TOPAZ1: variants seen among roughly 807,000 people sequenced by gnomAD.
The protein encoded by TOPAZ1 is testis and ovary specific TOPAZ 1.
Under a neutral mutation model 172.2 loss-of-function variants are expected in TOPAZ1, and 66 were observed. The ratio of observed to expected loss-of-function variants is 0.38; its 90% CI spans 0.31 to 0.47. TOPAZ1 has a LOEUF of 0.47. TOPAZ1 is among the 20% of genes least tolerant of loss of function. The pLI is 0.99. For synonymous variants in TOPAZ1, 681 were observed against 683.9 expected (o/e 1.00, Z 0.07); for missense variants, 1,822 against 1,972.4 (o/e 0.92, Z 1.44).
intron 5 of TOPAZ1, 85 bp from the exon 6 acceptor site, chr3:44,266,912 A>G: frequency 9.6e-7 from 1 of 1,047,080 alleles, no homozygotes; most frequent in Non-Finnish European, 1.3e-6. Flanking sequence ...ATTTTTTTAA[A>G]AAGAAATATC....
In TOPAZ1 at chr3:44,243,799, T is replaced by C. The variant is rs1327271368; in HGVS notation, c.1293T>C (p.Ala431=). Residue 431 remains alanine (A), a synonymous_variant, in exon 2 of 20, where the codon GCT becomes GCC. Coordinates refer to ENST00000309765, the MANE Select transcript of TOPAZ1 (RefSeq NM_001145030.2). Reference sequence around the variant, plus strand: ...TTTTGAAAGAAGAAACAGAGAATGCTTCAGAGCCGTTAGGTTATGAAAGCA... The same window carrying C: ...TTTTGAAAGAAGAAACAGAGAATGCCTCAGAGCCGTTAGGTTATGAAAGCA... ...EPLLKEETEN[A]SEPLGYESMA... is the part of the protein sequence containing the mutation. 107 of 1,551,650 alleles carry C rather than the reference T, an allele frequency of 6.9e-5. 1 individual carries two copies. The East Asian group carries it at 2.6e-3, about 37-fold the overall frequency.
At chr3:44,245,805 C>A (rs1699558428) in intron 2 of TOPAZ1, among the ~76,000 whole-genome samples, 1 of 152,150 alleles carries the variant, frequency 6.6e-6, no homozygotes, top group Non-Finnish European at 1.5e-5. Flanking sequence ...TCCCAAAGTG[C>A]TGGGATTACA....
intron 9 of TOPAZ1, among the ~76,000 whole-genome samples, chr3:44,284,210 A>G (rs1403398924): frequency 2.0e-5 from 3 of 152,242 alleles, no homozygotes; most frequent in Non-Finnish European, 4.4e-5. Flanking sequence ...CATCACCATT[A>G]TCCATTCCCA....
In TOPAZ1 at chr3:44,269,240, C is replaced by G. The variant is rs1699866609; in HGVS notation, c.3185C>G (p.Ser1062Cys). 4 of 1,548,736 alleles carry G rather than the reference C, an allele frequency of 2.6e-6. No individual in the cohort carries two copies. The highest frequency in any genetic ancestry group is 3.5e-6 in the Non-Finnish European group (4 of 1,144,690). Reference sequence around the variant, plus strand: ...GATTTCAGATTTCTGGGAAAACATTCTGTCCTAAAGCTGCAGAATCCTGAA... The same window carrying G: ...GATTTCAGATTTCTGGGAAAACATTGTGTCCTAAAGCTGCAGAATCCTGAA... ...MNDFRFLGKH[S>C]VLKLQNPETC... is the part of the protein sequence containing the mutation. The change falls in exon 7 of 20, where the codon TCT becomes TGT. Residue 1062 changes from serine to cysteine, a missense_variant. Coordinates refer to ENST00000309765, the MANE Select transcript of TOPAZ1 (RefSeq NM_001145030.2).
chr3:44,259,470 GT>G (rs1415522585), intron 4 of TOPAZ1, among the ~76,000 whole-genome samples: 8 of 152,154 alleles, frequency 5.3e-5, no homozygotes, highest in Non-Finnish European at 1.0e-4. Context: ...ATGTAATGAT[GT>G]CTTGTTTTTA....
chr3:44,254,195 C>A (rs531180616), intron 2 of TOPAZ1, among the ~76,000 whole-genome samples: 4 of 152,284 alleles, frequency 2.6e-5, no homozygotes, highest in East Asian at 1.9e-4. Context: ...AGTGTTTGAA[C>A]CCAGACTGGT....
chr3:44,326,768 G>A (rs1700604708), intron 18 of TOPAZ1, among the ~76,000 whole-genome samples: 1 of 152,052 alleles, frequency 6.6e-6, no homozygotes, highest in Admixed American at 6.5e-5. Context: ...GAACTGAGAA[G>A]TCAAGAGAGA....
chr3:44,286,464 T>C (rs1700080065), intron 9 of TOPAZ1, among the ~76,000 whole-genome samples: 1 of 152,182 alleles, frequency 6.6e-6, no homozygotes, highest in African/African-American at 2.4e-5. Context: ...AAAATAATTG[T>C]AGTATATAAA....
chr3:44,242,253 A>G lies in TOPAZ1; in HGVS notation c.200A>G (p.Lys67Arg). Residue 67 changes from lysine (K) to arginine (R), a missense_variant, in exon 1 of 20, where the codon AAG becomes AGG. Coordinates refer to ENST00000309765, the MANE Select transcript of TOPAZ1 (RefSeq NM_001145030.2). ...TPGRGEVESDKSVAASGAGKA... is the reference protein window; with the variant it reads ...TPGRGEVESDRSVAASGAGKA... ...GGGAGAGGCGAGGTGGAAAGTGATA[A>G]GTCGGTTGCAGCATCAGGGGCTGGA... The G allele has an allele frequency of 2.6e-6, 4 of 1,548,566 alleles. No individual in the cohort carries two copies. Among genetic ancestry groups the G allele is most frequent in the Non-Finnish European group, 3.5e-6 (4 of 1,146,184 alleles).
At chr3:44,287,267 C>T in intron 9 of TOPAZ1, 122 bp from the exon 10 acceptor site, 1 of 541,144 alleles carries the variant, frequency 1.8e-6, no homozygotes, top group Non-Finnish European at 2.9e-6. Flanking sequence ...AGAACTGTAC[C>T]TTTCAAGAAT....
Position 44,265,510 on chromosome 3 carries a change from C to T in TOPAZ1, c.3021-1487C>T, listed in dbSNP as rs547795661. Among the ~76,000 whole-genome samples the T allele has an allele frequency of 8.5e-5, 13 of 152,246 alleles. No homozygotes were observed. In the East Asian group the frequency reaches 1.9e-3, roughly 23 times the overall value. On this transcript the variant is annotated intron_variant, in intron 5 of 19. Transcript: ENST00000309765. ...GGGGGAGGTTGTAGTGAGCTGAGATCGCACCACTGCACTCCAGCCTGGGCG... is the reference window on the plus strand; with the variant it reads ...GGGGGAGGTTGTAGTGAGCTGAGATTGCACCACTGCACTCCAGCCTGGGCG...
rs1699517684 is a variant in TOPAZ1, at chr3:44,243,651, G to A, written c.1145G>A (p.Arg382Lys). ...AETKSPLNVL[R>K]KVSHNTVSLM... ...ACTAAAAGTCCTTTAAATGTTTTGA[G>A]AAAAGTAAGCCATAATACAGTCTCT... The change falls in exon 2 of 20, where the codon AGA becomes AAA. Residue 382 changes from arginine (R) to lysine (K), a missense_variant. By Grantham distance (26) the Arg-to-Lys change is conservative. This residue lies in a region of TOPAZ1 where 1,489 missense variants were observed against 1,490.8 expected (regional missense o/e 1.00). Coordinates refer to ENST00000309765, the MANE Select transcript of TOPAZ1 (RefSeq NM_001145030.2). 1 of 1,549,828 alleles carries A rather than the reference G, an allele frequency of 6.5e-7. No homozygotes were observed.
chr3:44,311,443 A>G (rs1240387173), intron 16 of TOPAZ1, among the ~76,000 whole-genome samples: 1 of 152,176 alleles, frequency 6.6e-6, no homozygotes, highest in Admixed American at 6.5e-5. Flanking sequence ...TACGATAGGA[A>G]CCTCCTGTCT....
chr3:44,295,209 G>A (rs923543162), intron 12 of TOPAZ1, among the ~76,000 whole-genome samples: 1 of 152,064 alleles, frequency 6.6e-6, no homozygotes, highest in Non-Finnish European at 1.5e-5. Context: ...TTCTACAAAT[G>A]TACCCTGAAA....
At chr3:44,320,244 T>C (rs1700493622) in intron 16 of TOPAZ1, among the ~76,000 whole-genome samples, 1 of 151,878 alleles carries the variant, frequency 6.6e-6, no homozygotes, top group South Asian at 2.1e-4. Flanking sequence ...TATATTATTC[T>C]TCTGTATACA....
chr3:44,270,910 G>A (rs1221624936), intron 8 of TOPAZ1, 100 bp downstream of exon 8: 2 of 1,090,380 alleles, frequency 1.8e-6, no homozygotes, highest in East Asian at 5.7e-5. Flanking sequence ...GCATAGATGT[G>A]AGTTTTGCCT....
chr3:44,319,308 C>T (rs1258802652), intron 16 of TOPAZ1, among the ~76,000 whole-genome samples: 1 of 151,950 alleles, frequency 6.6e-6, no homozygotes, highest in African/African-American at 2.4e-5. Flanking sequence ...TTTTTATATA[C>T]CTAAACAGTT....
At chr3:44,256,750 C>G (rs1699708210) in intron 4 of TOPAZ1, among the ~76,000 whole-genome samples, 1 of 152,190 alleles carries the variant, frequency 6.6e-6, no homozygotes, top group Middle Eastern at 3.4e-3. Context: ...AAAGTACTAA[C>G]CCTTTACAAA....
chr3:44,293,166 G>A lies in TOPAZ1; in HGVS notation c.3797+2280G>A, dbSNP rs192850589. Among the ~76,000 whole-genome samples, 16 of 152,216 alleles carry A rather than the reference G, an allele frequency of 1.1e-4. No individual in the cohort carries two copies. The East Asian group carries it at 2.7e-3, about 26-fold the overall frequency. On this transcript the variant is annotated intron_variant, in intron 12 of 19. Transcript: ENST00000309765. ...ATACTAGTGTAAACAAACTTACTGC[G>A]CTGCCAGTCATATAAAAGTATAGCA...
Sources: gnomAD v4.1 joint callset for allele counts (sites outside exome capture counted in the v4.1 genomes callset) on GRCh38, gnomAD v4.1.1 for gene constraint, gnomAD v4.1.1 regional missense constraint, MANE v1.5 for transcripts, NCBI Gene and HGNC (gene_info 2026-07-23, HGNC 2026-07-21) for gene names.